The following MYO1G variants were observed in gnomAD, a reference collection of about 807,000 sequenced individuals.
MYO1G encodes the protein unconventional myosin-Ig.
In MYO1G, 65 loss-of-function variants were observed where a neutral mutation model predicts 115.3. That is an observed-to-expected ratio of 0.56 (90% CI 0.46 to 0.69). MYO1G has a LOEUF of 0.69. Ranked by LOEUF, MYO1G falls within the 30% of genes least tolerant of loss-of-function variation. The pLI is 0.00. For synonymous variants in MYO1G, 510 were observed against 552.6 expected (o/e 0.92, Z 1.08); for missense variants, 1,204 against 1,393.5 (o/e 0.86, Z 2.16).
rs1423326808 is a variant in MYO1G, at chr7:44,964,671, T to C, written c.2527-152A>G. 5.0e-6 allele frequency: 4 copies of C among 793,342 alleles called. No individual in the cohort carries two copies. The highest frequency in any genetic ancestry group is 3.5e-4 in the Middle Eastern group (1 of 2,824). The allele number at this position is 793,342 out of a possible 1,614,324, so 49.1% of individuals were successfully genotyped here. On this transcript the variant is annotated intron_variant, in intron 18 of 21. Transcript: ENST00000258787. This position sits in a 1 kb window ranked among gnomAD's most constrained non-coding sequence, Gnocchi z 5.1. Reference sequence around the variant, plus strand: ...TGTGCGTGAGCTGAGCAGCCCTGGATTTCCTGAGGGCACAGAGCCCTCTTG... The same window carrying C: ...TGTGCGTGAGCTGAGCAGCCCTGGACTTCCTGAGGGCACAGAGCCCTCTTG...
intron 3 of MYO1G, 117 bp downstream of exon 3, chr7:44,976,447 A>T: frequency 1.0e-6 from 1 of 958,120 alleles, no homozygotes; most frequent in Non-Finnish European, 1.6e-6. Flanking sequence ...TTCCCACTGA[A>T]CTTGACCTGA....
chr7:44,963,219 C>G lies in MYO1G; in HGVS notation c.2746-95G>C. On this transcript the variant is annotated intron_variant, in intron 20 of 21. Transcript: ENST00000258787. The surrounding 1 kb of genome is among the most constrained non-coding windows in gnomAD (Gnocchi z 4.1). ...CCCCAGGAAGCCTCTGCCGAACCCC[C>G]AACCGCACCCGGGGAGCGCCGCCCT... The G allele has an allele frequency of 7.4e-7, 1 of 1,358,260 alleles. No individual in the cohort carries two copies. Among genetic ancestry groups the G allele is most frequent in the Non-Finnish European group, 9.5e-7 (1 of 1,054,104 alleles). The allele number at this position is 1,358,260 out of a possible 1,614,324, so 84.1% of individuals were successfully genotyped here. A position where few individuals can be genotyped will look rare whatever the true frequency, so the allele number is the denominator to read the frequency against.
In MYO1G at chr7:44,969,495, G is replaced by A. The variant is rs759007928; in HGVS notation, c.1504-12C>T. 6.2e-7 allele frequency: 1 copy of A among 1,613,770 alleles called. No homozygotes were observed. Among genetic ancestry groups the A allele is most frequent in the Non-Finnish European group, 8.5e-7 (1 of 1,179,946 alleles). The stretch of plus-strand genomic sequence containing the variant: ...TCTGTGGGGCAGAGCTATGGGGACA[G>A]GCTGAGGTCAAGGCACAAAAGGTAT... On this transcript the variant is annotated splice_polypyrimidine_tract_variant and intron_variant, in intron 11 of 21. Transcript: ENST00000258787. The surrounding 1 kb of genome is among the most constrained non-coding windows in gnomAD (Gnocchi z 5.0).
Position 44,965,832 on chromosome 7 carries a change from C to G in MYO1G, c.2186G>C (p.Arg729Pro), listed in dbSNP as rs763849651. ...GTAGATAGCCCTCAGCCTCCGGCAG[C>G]GCCACCTCGCCAAGGTGCCCCGCCA... is the stretch of plus-strand genomic sequence containing the variant. ...KAWRGTLARW[R>P]CRRLRAIYTI... Residue 729 changes from arginine (R) to proline (P), a missense_variant, in exon 17 of 22, where the codon CGC becomes CCC. By Grantham distance (103) the Arg-to-Pro change is moderately radical (BLOSUM62 -2). Transcript: ENST00000258787. 6.3e-7 allele frequency: 1 copy of G among 1,599,136 alleles called. No homozygotes were observed. Among genetic ancestry groups the G allele is most frequent in the Non-Finnish European group, 8.5e-7 (1 of 1,179,758 alleles).
chr7:44,966,744 C>G lies in MYO1G; in HGVS notation c.1877G>C (p.Gly626Ala). Residue 626 changes from glycine to alanine, a missense_variant, in exon 15 of 22, where the codon GGG becomes GCG. Transcript: ENST00000258787. This position sits in a 1 kb window ranked among gnomAD's most constrained non-coding sequence, Gnocchi z 5.0. ...NHCRHQVAYLGLLENVRVRRA... is the reference protein window; with the variant it reads ...NHCRHQVAYLALLENVRVRRA... ...GCGGACCCTCACATTCTCCAGCAGC[C>G]CCAGGTATGCGACCTGGTGGCGACA... 1 of 1,613,470 alleles carries G rather than the reference C, an allele frequency of 6.2e-7. No homozygotes were observed. Among genetic ancestry groups the G allele is most frequent in the African/African-American group, 1.3e-5 (1 of 75,040 alleles).
chr7:44,975,406 G>C (rs375968407), intron 4 of MYO1G, 78 bp downstream of exon 4: 1 of 1,561,670 alleles, frequency 6.4e-7, no homozygotes, highest in Non-Finnish European at 8.7e-7. Flanking sequence ...CTGCACCGTC[G>C]GGATGGGTAC....
At chr7:44,971,135 G>A (rs7789375) in intron 7 of MYO1G, 76 bp from the exon 8 acceptor site, 779,048 of 1,349,178 alleles carry the variant, frequency 0.58, 227,937 homozygotes, top group East Asian at 0.8. Flanking sequence ...CAAGAAGGAG[G>A]AAGGAAAGCA....
At position 44,967,752 on chromosome 7, in the gene MYO1G, C is replaced by G; in HGVS notation, c.1650-15G>C. 1 of 1,612,938 alleles carries G rather than the reference C, an allele frequency of 6.2e-7. No homozygotes were observed. Among genetic ancestry groups the G allele is most frequent in the South Asian group, 1.1e-5 (1 of 91,082 alleles). ...TGGGGTCCGTGCTGCAGACACAGGCCGAATTCCCAGCCATCCTCTGGGAGA... is the reference window on the plus strand; with the variant it reads ...TGGGGTCCGTGCTGCAGACACAGGCGGAATTCCCAGCCATCCTCTGGGAGA... On this transcript the variant is annotated splice_polypyrimidine_tract_variant and intron_variant, in intron 13 of 21. Coordinates refer to ENST00000258787, the MANE Select transcript of MYO1G (RefSeq NM_033054.3).
intron 1 of MYO1G, among the ~76,000 whole-genome samples, chr7:44,978,340 G>A (rs1359269465): frequency 6.6e-6 from 1 of 152,180 alleles, no homozygotes; most frequent in African/African-American, 2.4e-5. Flanking sequence ...TGTACCCCAG[G>A]AGAATGTCAC....
intron 7 of MYO1G, among the ~76,000 whole-genome samples, chr7:44,971,438 A>C (rs1320848758): frequency 6.6e-6 from 1 of 152,258 alleles, no homozygotes; most frequent in Non-Finnish European, 1.5e-5. Flanking sequence ...ACTAAGAGGC[A>C]GTCTGCATGA....
intron 3 of MYO1G, 55 bp downstream of exon 3, chr7:44,976,508 AC>A: frequency 1.3e-6 from 2 of 1,548,140 alleles, no homozygotes; most frequent in Non-Finnish European, 1.8e-6. Context: ...CCTTCCTGCC[AC>A]ACTGAGGTCC....
At position 44,967,590 on chromosome 7, in the gene MYO1G, A is replaced by G. The variant is rs932015907; in HGVS notation, c.1782+15T>C. ...GGATCCGGAACAGCCAGAGTGGGAG[A>G]GGGGTGGAACATACCTTGGAGGCAA... On this transcript the variant is annotated intron_variant, in intron 14 of 21. Coordinates refer to ENST00000258787, the MANE Select transcript of MYO1G (RefSeq NM_033054.3). The G allele has an allele frequency of 6.2e-7, 1 of 1,613,638 alleles. No individual in the cohort carries two copies.
Position 44,963,788 on chromosome 7 carries a change from G to C in MYO1G, c.2745+261C>G. 3 of 484,192 alleles carry C rather than the reference G, an allele frequency of 6.2e-6. No homozygotes were observed. Among genetic ancestry groups the C allele is most frequent in the Admixed American group, 3.4e-5 (1 of 29,788 alleles). The allele number at this position is 484,192 out of a possible 1,614,324, so 30.0% of individuals were successfully genotyped here. On this transcript the variant is annotated intron_variant, in intron 20 of 21. Transcript: ENST00000258787. The surrounding 1 kb of genome is among the most constrained non-coding windows in gnomAD (Gnocchi z 4.1). ...CCCCAGTTGGGCACAAGTTGGAAGAGGGGACCATTTGGCTTGGCTAGAGTG... is the reference window on the plus strand; with the variant it reads ...CCCCAGTTGGGCACAAGTTGGAAGACGGGACCATTTGGCTTGGCTAGAGTG...
At chr7:44,967,126 G>A (rs959021775) in intron 14 of MYO1G, among the ~76,000 whole-genome samples, 1 of 152,210 alleles carries the variant, frequency 6.6e-6, no homozygotes, top group African/African-American at 2.4e-5. Flanking sequence ...CCTTCCAAAA[G>A]GGGCTGACAT....
chr7:44,970,542 G>A, intron 9 of MYO1G, 50 bp downstream of exon 9: 2 of 1,608,808 alleles, frequency 1.2e-6, no homozygotes, highest in Non-Finnish European at 1.7e-6. Context: ...AACTAAGTGG[G>A]CAAAGCTGCT....
In MYO1G at chr7:44,966,326, A is replaced by C; in HGVS notation, c.1950-46T>G. The C allele has an allele frequency of 6.6e-7, 1 of 1,522,402 alleles. No individual in the cohort carries two copies. Among genetic ancestry groups the C allele is most frequent in the Non-Finnish European group, 8.9e-7 (1 of 1,123,106 alleles). 94.3% of individuals were successfully genotyped at this position (1,522,402 alleles called of 1,614,324 possible). A position where few individuals can be genotyped will look rare whatever the true frequency, so the allele number is the denominator to read the frequency against. On this transcript the variant is annotated intron_variant, in intron 15 of 21. Transcript: ENST00000258787. This position sits in a 1 kb window ranked among gnomAD's most constrained non-coding sequence, Gnocchi z 5.0. The stretch of plus-strand genomic sequence containing the variant: ...AGTGTGGCCCAGGCCTGGGGGAGAG[A>C]TGATGGAGCCCACCCTGCCCACCCC...
Position 44,975,530 on chromosome 7 carries a change from T to C in MYO1G, c.518A>G (p.Lys173Arg). ...GATGTGTCCTCCGATCGGGTCCCCC[T>C]TGAAGTCAAAGTTGATGTCCATGTA... is the stretch of plus-strand genomic sequence containing the variant. ...GKYMDINFDF[K>R]GDPIGGHIHS... Residue 173 changes from lysine to arginine, a missense_variant, in exon 4 of 22, where the codon AAG (lysine) becomes AGG (arginine). Lys to Arg is a conservative substitution (Grantham distance 26). Transcript: ENST00000258787. The C allele has an allele frequency of 6.2e-7, 1 of 1,613,938 alleles. No individual in the cohort carries two copies. Among genetic ancestry groups the C allele is most frequent in the South Asian group, 1.1e-5 (1 of 91,076 alleles).
chr7:44,964,859 T>C lies in MYO1G; in HGVS notation c.2526+86A>G. 1 of 1,522,284 alleles carries C rather than the reference T, an allele frequency of 6.6e-7. No homozygotes were observed. The highest frequency in any genetic ancestry group is 8.9e-7 in the Non-Finnish European group (1 of 1,129,694). 94.3% of individuals were successfully genotyped at this position (1,522,284 alleles called of 1,614,324 possible). ...AACCCCAGGCCTGGGAGAGGACATC[T>C]GAGGGGACCTGGTCACAGCATTAGC... On this transcript the variant is annotated intron_variant, in intron 18 of 21. Coordinates refer to ENST00000258787, the MANE Select transcript of MYO1G (RefSeq NM_033054.3). The surrounding 1 kb of genome is among the most constrained non-coding windows in gnomAD (Gnocchi z 5.1).
At position 44,978,938 on chromosome 7, in the gene MYO1G, C is replaced by T; in HGVS notation, c.24G>A (p.Glu8=). The T allele has an allele frequency of 6.2e-7, 1 of 1,614,180 alleles. No homozygotes were observed. The highest frequency in any genetic ancestry group is 8.5e-7 in the Non-Finnish European group (1 of 1,180,004). MEDEEGP[E]YGKPDFVLLD... is the part of the protein sequence containing the mutation. Reference sequence around the variant, plus strand: ...AAAGCACAAAGTCAGGTTTGCCATACTCAGGGCCTTCCTCGTCCTCCATCC... The same window carrying T: ...AAAGCACAAAGTCAGGTTTGCCATATTCAGGGCCTTCCTCGTCCTCCATCC... The change falls in exon 1 of 22, where the codon GAG becomes GAA. Residue 8 remains glutamate (E), a synonymous_variant. Transcript: ENST00000258787.
Sources: gnomAD v4.1 joint callset for allele counts (sites outside exome capture counted in the v4.1 genomes callset) on GRCh38, gnomAD v4.1.1 for gene constraint, Gnocchi (gnomAD v3.1) non-coding constraint, MANE v1.5 for transcripts, NCBI Gene and HGNC (gene_info 2026-07-23, HGNC 2026-07-21) for gene names.